The following WDR25 variants were observed in gnomAD, a reference collection of about 807,000 sequenced individuals.
WDR25 encodes the protein WD repeat domain 25.
A neutral mutation model predicts 47.7 loss-of-function variants in WDR25; 35 were observed. The ratio of observed to expected loss-of-function variants is 0.73; its 90% CI spans 0.56 to 0.97. WDR25 has a LOEUF of 0.97. Ranked by LOEUF, WDR25 falls within the 50% of genes least tolerant of loss-of-function variation. WDR25 has a pLI of 0.00. For synonymous variants in WDR25, 248 were observed against 278.9 expected (o/e 0.89, Z 1.10); for missense variants, 634 against 704.7 (o/e 0.90, Z 1.14).
intron 2 of WDR25, among the ~76,000 whole-genome samples, chr14:100,439,028 C>A (rs1898585232): frequency 6.6e-6 from 1 of 152,206 alleles, no homozygotes; most frequent in African/African-American, 2.4e-5. Flanking sequence ...GCTAGGGCAC[C>A]CTCCTGCAGA....
At position 100,506,851 on chromosome 14, in the gene WDR25, T is replaced by C. The variant is rs985043284; in HGVS notation, c.1102-19019T>C. ...ATGCGTAGTTTGCAAATATTTCTCCTATTCTGTAGGTTGTCTGTTTACTCT... is the reference window on the plus strand; with the variant it reads ...ATGCGTAGTTTGCAAATATTTCTCCCATTCTGTAGGTTGTCTGTTTACTCT... On this transcript the variant is annotated intron_variant, in intron 4 of 6. Transcript: ENST00000402312. The surrounding 1 kb of genome is among the most constrained non-coding windows in gnomAD (Gnocchi z 4.8). 6.6e-6 allele frequency among the ~76,000 whole-genome samples: 1 copy of C among 152,158 alleles called. No individual in the cohort carries two copies. The highest frequency in any genetic ancestry group is 1.5e-5 in the Non-Finnish European group (1 of 68,008).
intron 2 of WDR25, among the ~76,000 whole-genome samples, chr14:100,459,073 G>A (rs1354754398): frequency 1.3e-5 from 2 of 152,088 alleles, no homozygotes; most frequent in East Asian, 1.9e-4. Flanking sequence ...AATAGTAGAG[G>A]AAAATCAGTG....
Position 100,449,226 on chromosome 14 carries a change from C to G in WDR25, c.823-18795C>G, listed in dbSNP as rs891046837. Reference sequence around the variant, plus strand: ...CAAAGGGTTAGTACTCATTTTTATGCAAATTGAGAAATCTTGATGAAAACG... The same window carrying G: ...CAAAGGGTTAGTACTCATTTTTATGGAAATTGAGAAATCTTGATGAAAACG... On this transcript the variant is annotated intron_variant, in intron 2 of 6. Coordinates refer to ENST00000402312, the MANE Select transcript of WDR25 (RefSeq NM_001161476.3). The surrounding 1 kb of genome is among the most constrained non-coding windows in gnomAD (Gnocchi z 4.2). Among the ~76,000 whole-genome samples, 4 of 152,232 alleles carry G rather than the reference C, an allele frequency of 2.6e-5. No homozygotes were observed. The highest frequency in any genetic ancestry group is 9.6e-5 in the African/African-American group (4 of 41,460).
chr14:100,506,419 A>G lies in WDR25; in HGVS notation c.1102-19451A>G, dbSNP rs1274356494. 6.6e-6 allele frequency among the ~76,000 whole-genome samples: 1 copy of G among 152,112 alleles called. No individual in the cohort carries two copies. ...TTGGTAGAATAACATTTTCTTTTGG[A>G]TATATACCCAGTAATGGGATTGCTG... On this transcript the variant is annotated intron_variant, in intron 4 of 6. Coordinates refer to ENST00000402312, the MANE Select transcript of WDR25 (RefSeq NM_001161476.3). The surrounding 1 kb of genome is among the most constrained non-coding windows in gnomAD (Gnocchi z 4.8).
chr14:100,431,827 A>T (rs558009774), intron 2 of WDR25, among the ~76,000 whole-genome samples: 1 of 151,814 alleles, frequency 6.6e-6, no homozygotes, highest in South Asian at 2.1e-4. Flanking sequence ...CTCTTGCCTC[A>T]GCCTCCCAAG....
intron 3 of WDR25, among the ~76,000 whole-genome samples, chr14:100,470,885 T>C (rs1031029119): frequency 1.1e-4 from 17 of 152,182 alleles, no homozygotes; most frequent in African/African-American, 4.1e-4. Flanking sequence ...GGGGAGGTGA[T>C]TGAGGACTTC....
chr14:100,467,099 T>TG (rs1899656337), intron 2 of WDR25, among the ~76,000 whole-genome samples: 1 of 152,214 alleles, frequency 6.6e-6, no homozygotes, highest in Non-Finnish European at 1.5e-5. Flanking sequence ...AAGGCCAGCA[T>TG]GGGAAGGAGG....
chr14:100,464,985 T>G (rs1479335351), intron 2 of WDR25, among the ~76,000 whole-genome samples: 1 of 148,896 alleles, frequency 6.7e-6, no homozygotes, highest in Non-Finnish European at 1.5e-5. Flanking sequence ...CTCCCCTGCC[T>G]TATCTACTCT....
chr14:100,519,856 A>G (rs1327185466), intron 4 of WDR25, among the ~76,000 whole-genome samples: 1 of 140,648 alleles, frequency 7.1e-6, no homozygotes, highest in East Asian at 2.0e-4. Flanking sequence ...TATATGCTAT[A>G]TATATACTAT....
chr14:100,409,993 C>G (rs995935557), intron 2 of WDR25, among the ~76,000 whole-genome samples: 1 of 152,210 alleles, frequency 6.6e-6, no homozygotes, highest in African/African-American at 2.4e-5. Flanking sequence ...CCCCTTCCAT[C>G]TCTCTATGGA....
Position 100,529,892 on chromosome 14 carries a change from C to T in WDR25, c.1486C>T (p.Arg496Trp), listed in dbSNP as rs200490952. The T allele has an allele frequency of 2.9e-5, 46 of 1,613,330 alleles. No homozygotes were observed. Among genetic ancestry groups the T allele is most frequent in the Middle Eastern group, 1.7e-4 (1 of 6,052 alleles). ...GCTGGTGACGGGCAGCGCCGATGGCCGGGTCCTGATGTACAGCTTCCGCAC... is the reference window on the plus strand; with the variant it reads ...GCTGGTGACGGGCAGCGCCGATGGCTGGGTCCTGATGTACAGCTTCCGCAC... ...DLLVTGSADG[R>W]VLMYSFRTAS... Residue 496 changes from arginine to tryptophan, a missense_variant, in exon 7 of 7, where the codon CGG becomes TGG. Physicochemically the swap from Arg to Trp is moderately radical, Grantham distance 101 (BLOSUM62 -3). Transcript: ENST00000402312. This position sits in a 1 kb window ranked among gnomAD's most constrained non-coding sequence, Gnocchi z 5.1.
At chr14:100,515,642 T>C (rs1901465380) in intron 4 of WDR25, among the ~76,000 whole-genome samples, 2 of 152,098 alleles carry the variant, frequency 1.3e-5, no homozygotes, top group Admixed American at 1.3e-4. Context: ...ATTAGTATTA[T>C]TTTTGAGACT....
chr14:100,411,252 G>A (rs570600302), intron 2 of WDR25, among the ~76,000 whole-genome samples: 1 of 152,238 alleles, frequency 6.6e-6, no homozygotes, highest in South Asian at 2.1e-4. Flanking sequence ...TGCTGGGCAA[G>A]CAACCCCAAG....
chr14:100,438,488 T>A (rs1477716401), intron 2 of WDR25, among the ~76,000 whole-genome samples: 1 of 152,272 alleles, frequency 6.6e-6, no homozygotes, highest in Non-Finnish European at 1.5e-5. Flanking sequence ...TAAGGTTTTT[T>A]AATTAAGTCA....
At chr14:100,416,384 T>C (rs539996101) in intron 2 of WDR25, among the ~76,000 whole-genome samples, 4 of 152,296 alleles carry the variant, frequency 2.6e-5, no homozygotes, top group Admixed American at 2.6e-4. Flanking sequence ...CTGTTTGCCC[T>C]CATACTACAA....
intron 2 of WDR25, among the ~76,000 whole-genome samples, chr14:100,442,584 A>G (rs1898704194): frequency 6.6e-6 from 1 of 152,218 alleles, no homozygotes; most frequent in East Asian, 1.9e-4. Flanking sequence ...CCTGTTGCTC[A>G]GGAACCATTC....
At chr14:100,379,824 T>G (rs1277374216) in intron 1 of WDR25, among the ~76,000 whole-genome samples, 1 of 149,722 alleles carries the variant, frequency 6.7e-6, no homozygotes, top group Non-Finnish European at 1.5e-5. Flanking sequence ...TCACTGCAAC[T>G]TCCGCCTCCT....
chr14:100,433,227 A>G (rs1446545715), intron 2 of WDR25, among the ~76,000 whole-genome samples: 1 of 152,232 alleles, frequency 6.6e-6, no homozygotes, highest in African/African-American at 2.4e-5. Flanking sequence ...GTTAGTTTGA[A>G]ACAGTTCCTC....
chr14:100,519,129 GC>G lies in WDR25; in HGVS notation c.1102-6739del, dbSNP rs1300868483. 2.0e-5 allele frequency among the ~76,000 whole-genome samples: 3 copies of G among 152,218 alleles called. No homozygotes were observed. In the East Asian group the frequency reaches 5.8e-4, roughly 29 times the overall value. On this transcript the variant is annotated intron_variant, in intron 4 of 6. Transcript: ENST00000402312. ...TGAATACCAACTGGGAACCTCATCT[GC>G]CATACTGGTCTTTATTCAAATTTTG...
Sources: gnomAD v4.1 joint callset for allele counts (sites outside exome capture counted in the v4.1 genomes callset) on GRCh38, gnomAD v4.1.1 for gene constraint, Gnocchi (gnomAD v3.1) non-coding constraint, MANE v1.5 for transcripts, NCBI Gene and HGNC (gene_info 2026-07-23, HGNC 2026-07-21) for gene names.